The following KCNQ1OT1 variants were observed in gnomAD, a reference collection of about 807,000 sequenced individuals.
KCNQ1OT1 encodes the protein KCNQ1 antisense RNA 2 (non-protein coding).
chr11:2,629,769 AT>A (rs1849323111), exon 1 of KCNQ1OT1: 1 of 398,298 alleles, frequency 2.5e-6, no homozygotes. Flanking sequence ...CTGAATGCTG[AT>A]TTTGTATCCT....
exon 1 of KCNQ1OT1, chr11:2,614,941 G>A (rs955595679): frequency 1.3e-5 from 5 of 398,192 alleles, no homozygotes; most frequent in African/African-American, 1.0e-4. Flanking sequence ...AAGGCCCTTG[G>A]GATTTTGATA....
chr11:2,656,533 T>C (rs1849850943), exon 1 of KCNQ1OT1: 1 of 398,580 alleles, frequency 2.5e-6, no homozygotes, highest in Non-Finnish European at 4.4e-6. Context: ...TGATTGCTAG[T>C]CAGGCGCAAC....
exon 1 of KCNQ1OT1, chr11:2,665,360 C>CTATG: frequency 2.5e-6 from 1 of 398,152 alleles, no homozygotes; most frequent in Non-Finnish European, 4.4e-6. Flanking sequence ...TTGGGGAGCA[C>CTATG]CCCCATGACA....
exon 1 of KCNQ1OT1, chr11:2,693,917 C>T (rs572525347): frequency 1.9e-4 from 74 of 398,772 alleles, no homozygotes; most frequent in African/African-American, 1.5e-3. Flanking sequence ...TACTGCAAAC[C>T]TGGATCCGGT....
At position 2,654,913 on chromosome 11, in the gene KCNQ1OT1, A is replaced by T. The variant is rs1849817611; in HGVS notation, n.45082T>A. The stretch of plus-strand genomic sequence containing the variant: ...GATAAGATGTGCAAGGTCGTGGGCC[A>T]GAGAGCAAGGCACAGATACAGGAGA... On this transcript the variant is annotated non_coding_transcript_exon_variant, in exon 1 of 1. Coordinates refer to ENST00000597346, the Ensembl canonical transcript of KCNQ1OT1. This position sits in a 1 kb window ranked among gnomAD's most constrained non-coding sequence, Gnocchi z 6.4. The T allele has an allele frequency of 2.5e-6, 1 of 398,556 alleles. No individual in the cohort carries two copies. Among genetic ancestry groups the T allele is most frequent in the African/African-American group, 2.1e-5 (1 of 48,620 alleles). 24.7% of individuals were successfully genotyped at this position (398,556 alleles called of 1,614,324 possible).
chr11:2,623,950 A>G lies in KCNQ1OT1; in HGVS notation n.76045T>C, dbSNP rs1849218811. 2 of 398,434 alleles carry G rather than the reference A, an allele frequency of 5.0e-6. No homozygotes were observed. Among genetic ancestry groups the G allele is most frequent in the Non-Finnish European group, 8.8e-6 (2 of 226,036 alleles). The allele number at this position is 398,434 out of a possible 1,614,324, so 24.7% of individuals were successfully genotyped here. On this transcript the variant is annotated non_coding_transcript_exon_variant, in exon 1 of 1. Transcript: ENST00000597346. The surrounding 1 kb of genome is among the most constrained non-coding windows in gnomAD (Gnocchi z 5.2). Reference sequence around the variant, plus strand: ...TTTTAATTCTTTGAAGAACCACCAAACTCTTCTCCACCAGGGCTGCACCAC... The same window carrying G: ...TTTTAATTCTTTGAAGAACCACCAAGCTCTTCTCCACCAGGGCTGCACCAC...
In KCNQ1OT1 at chr11:2,627,916, A is replaced by G. The variant is rs907950279; in HGVS notation, n.72079T>C. The G allele has an allele frequency of 1.0e-5, 4 of 398,372 alleles. No individual in the cohort carries two copies. In the South Asian group the frequency reaches 5.1e-4, roughly 51 times the overall value. 24.7% of individuals were successfully genotyped at this position (398,372 alleles called of 1,614,324 possible). On this transcript the variant is annotated non_coding_transcript_exon_variant, in exon 1 of 1. Coordinates refer to ENST00000597346, the Ensembl canonical transcript of KCNQ1OT1. The surrounding 1 kb of genome is among the most constrained non-coding windows in gnomAD (Gnocchi z 4.9). ...CAGTCATGCACCCCCATGCCCAGCT[A>G]ATTTTTAAAATTTTATGTAGAGATA... is the stretch of plus-strand genomic sequence containing the variant.
At position 2,679,431 on chromosome 11, in the gene KCNQ1OT1, TG is replaced by T; in HGVS notation, n.20563del. On this transcript the variant is annotated non_coding_transcript_exon_variant, in exon 1 of 1. Transcript: ENST00000597346. This position sits in a 1 kb window ranked among gnomAD's most constrained non-coding sequence, Gnocchi z 4.8. ...CATAAGAGTACCTTCCTCAGAGGGT[TG>T]TTAGGAGGATTACACAAATTAATAA... 2.5e-6 allele frequency: 1 copy of T among 398,628 alleles called. No homozygotes were observed. Among genetic ancestry groups the T allele is most frequent in the Non-Finnish European group, 4.4e-6 (1 of 226,064 alleles). 24.7% of individuals were successfully genotyped at this position (398,628 alleles called of 1,614,324 possible).
exon 1 of KCNQ1OT1, chr11:2,622,300 G>A (rs1414486605): frequency 7.5e-6 from 3 of 398,126 alleles, no homozygotes; most frequent in Non-Finnish European, 1.3e-5. Context: ...AGTATGTAAT[G>A]TCCTCCTTTG....
In KCNQ1OT1 at chr11:2,670,614, G is replaced by C; in HGVS notation, n.29381C>G. 1.0e-5 allele frequency: 4 copies of C among 398,468 alleles called. No homozygotes were observed. Among genetic ancestry groups the C allele is most frequent in the Non-Finnish European group, 1.8e-5 (4 of 226,078 alleles). 24.7% of individuals were successfully genotyped at this position (398,468 alleles called of 1,614,324 possible). On this transcript the variant is annotated non_coding_transcript_exon_variant, in exon 1 of 1. Transcript: ENST00000597346. This position sits in a 1 kb window ranked among gnomAD's most constrained non-coding sequence, Gnocchi z 4.9. ...TCATTCCCAGACACACAATCTCTGGGGGAGCCTGGATATGCATGGCAGAGG... is the reference window on the plus strand; with the variant it reads ...TCATTCCCAGACACACAATCTCTGGCGGAGCCTGGATATGCATGGCAGAGG...
In KCNQ1OT1 at chr11:2,661,038, C is replaced by T. The variant is rs1475176820; in HGVS notation, n.38957G>A. On this transcript the variant is annotated non_coding_transcript_exon_variant, in exon 1 of 1. Transcript: ENST00000597346. This position sits in a 1 kb window ranked among gnomAD's most constrained non-coding sequence, Gnocchi z 5.9. ...TATACCTAGAGAAAAATGAAATGAG[C>T]TTATGTTACAGAGTGACAGGAACAG... 2.5e-6 allele frequency: 1 copy of T among 398,448 alleles called. No individual in the cohort carries two copies. The highest frequency in any genetic ancestry group is 4.4e-6 in the Non-Finnish European group (1 of 226,038). 24.7% of individuals were successfully genotyped at this position (398,448 alleles called of 1,614,324 possible). A position where few individuals can be genotyped will look rare whatever the true frequency, so the allele number is the denominator to read the frequency against.
chr11:2,648,981 C>CGTTTTTTGTTTTTTTTTTTTTTT (rs1849710791), exon 1 of KCNQ1OT1: 1 of 213,306 alleles, frequency 4.7e-6, no homozygotes, highest in Admixed American at 9.7e-5. Context: ...TTTTCTTTTT[C>CGTTTTTTGTTTTTTTTTTTTTTT]TTTTTTTTTT....
In KCNQ1OT1 at chr11:2,653,309, GT is replaced by G. The variant is rs1849786269; in HGVS notation, n.46685del. On this transcript the variant is annotated non_coding_transcript_exon_variant, in exon 1 of 1. Coordinates refer to ENST00000597346, the Ensembl canonical transcript of KCNQ1OT1. The surrounding 1 kb of genome is among the most constrained non-coding windows in gnomAD (Gnocchi z 5.3). ...CAGTGCAGACCAGTTTAGCTATTTT[GT>G]AACCTTGACTGCCCCCAGGCCCATG... The G allele has an allele frequency of 2.5e-6, 1 of 398,528 alleles. No individual in the cohort carries two copies. Among genetic ancestry groups the G allele is most frequent in the Non-Finnish European group, 4.4e-6 (1 of 226,112 alleles). 24.7% of individuals were successfully genotyped at this position (398,528 alleles called of 1,614,324 possible).
chr11:2,689,237 G>T lies in KCNQ1OT1; in HGVS notation n.10758C>A, dbSNP rs1310253118. ...GATGCAGTGGTTTAGGCCAAGCTTT[G>T]AAGTCAGCCCTTGGAGGACGTTCCT... On this transcript the variant is annotated non_coding_transcript_exon_variant, in exon 1 of 1. Transcript: ENST00000597346. 5.5e-5 allele frequency: 22 copies of T among 398,622 alleles called. 1 individual carries two copies. In the Admixed American group the frequency reaches 7.0e-4, roughly 13 times the overall value. The allele number at this position is 398,622 out of a possible 1,614,324, so 24.7% of individuals were successfully genotyped here. A position where few individuals can be genotyped will look rare whatever the true frequency, so the allele number is the denominator to read the frequency against.
rs1850572681 is a variant in KCNQ1OT1, at chr11:2,690,623, A to G, written n.9372T>C. 2.5e-6 allele frequency: 1 copy of G among 398,678 alleles called. No homozygotes were observed. Among genetic ancestry groups the G allele is most frequent in the Non-Finnish European group, 4.4e-6 (1 of 226,092 alleles). 24.7% of individuals were successfully genotyped at this position (398,678 alleles called of 1,614,324 possible). A position where few individuals can be genotyped will look rare whatever the true frequency, so the allele number is the denominator to read the frequency against. On this transcript the variant is annotated non_coding_transcript_exon_variant, in exon 1 of 1. Transcript: ENST00000597346. The surrounding 1 kb of genome is among the most constrained non-coding windows in gnomAD (Gnocchi z 5.1). ...GGGGCACACATATGTGCATGTTCATATATGTGTCAGAATGCGTATTTGTCA... is the reference window on the plus strand; with the variant it reads ...GGGGCACACATATGTGCATGTTCATGTATGTGTCAGAATGCGTATTTGTCA...
In KCNQ1OT1 at chr11:2,671,650, G is replaced by C. The variant is rs578143007; in HGVS notation, n.28345C>G. 28 of 394,236 alleles carry C rather than the reference G, an allele frequency of 7.1e-5. No individual in the cohort carries two copies. Among genetic ancestry groups the C allele is most frequent in the African/African-American group, 5.6e-4 (27 of 48,276 alleles). 24.4% of individuals were successfully genotyped at this position (394,236 alleles called of 1,614,324 possible). A position where few individuals can be genotyped will look rare whatever the true frequency, so the allele number is the denominator to read the frequency against. On this transcript the variant is annotated non_coding_transcript_exon_variant, in exon 1 of 1. Coordinates refer to ENST00000597346, the Ensembl canonical transcript of KCNQ1OT1. The surrounding 1 kb of genome is among the most constrained non-coding windows in gnomAD (Gnocchi z 4.7). ...AGCAGTGTCCTGTGGTGCCCTGCTGGGGAAACTGAGGCAGAGAGCAGGGGT... is the reference window on the plus strand; with the variant it reads ...AGCAGTGTCCTGTGGTGCCCTGCTGCGGAAACTGAGGCAGAGAGCAGGGGT...
At position 2,653,916 on chromosome 11, in the gene KCNQ1OT1, C is replaced by G; in HGVS notation, n.46079G>C. The G allele has an allele frequency of 2.5e-5, 10 of 398,740 alleles. No individual in the cohort carries two copies. The highest frequency in any genetic ancestry group is 4.4e-5 in the Non-Finnish European group (10 of 226,158). 24.7% of individuals were successfully genotyped at this position (398,740 alleles called of 1,614,324 possible). A position where few individuals can be genotyped will look rare whatever the true frequency, so the allele number is the denominator to read the frequency against. On this transcript the variant is annotated non_coding_transcript_exon_variant, in exon 1 of 1. Coordinates refer to ENST00000597346, the Ensembl canonical transcript of KCNQ1OT1. This position sits in a 1 kb window ranked among gnomAD's most constrained non-coding sequence, Gnocchi z 5.3. ...TAAGGAAGATTTGAGAAGCTGTTCC[C>G]AGAAGCCAGGCCTGGCTGCTGGCAG...
At chr11:2,675,718 G>A in exon 1 of KCNQ1OT1, 2 of 398,644 alleles carry the variant, frequency 5.0e-6, no homozygotes, top group Non-Finnish European at 8.8e-6. Flanking sequence ...CTTTGTGCTG[G>A]AGCAGCCCCT....
At chr11:2,693,775 G>A (rs1850628376) in exon 1 of KCNQ1OT1, 1 of 398,648 alleles carries the variant, frequency 2.5e-6, no homozygotes, top group Admixed American at 4.4e-5. Context: ...ACATGCTGGG[G>A]CCGGCCAGTT....
Sources: allele counts gnomAD v4.1 joint callset, GRCh38; gene constraint gnomAD v4.1.1; non-coding constraint Gnocchi (gnomAD v3.1); transcripts MANE v1.5; gene names NCBI Gene and HGNC (gene_info 2026-07-23, HGNC 2026-07-21).